Variants in EPB41L2 observed in about 807,000 individuals in gnomAD.
EPB41L2 encodes band 4.1-like protein 2.
In EPB41L2, 43 loss-of-function variants were observed where a neutral mutation model predicts 113.0. That is an observed-to-expected ratio of 0.38 (90% confidence interval 0.30 to 0.49). The LOEUF is 0.49. EPB41L2 is among the 20% of genes least tolerant of loss of function. EPB41L2 has a pLI of 0.95. For missense variants in EPB41L2, 1,147 were observed against 1,223.4 expected (o/e 0.94, Z 0.93); for synonymous variants, 442 against 436.7 (o/e 1.01, Z -0.15).
At chr6:130,858,477 G>GAA (rs1266790511) in intron 18 of EPB41L2, 3 of 431,402 alleles carry the variant, frequency 7.0e-6, no homozygotes, top group Non-Finnish European at 1.3e-5. Context: ...ACACGTAGAG[G>GAA]AAACATGTTG....
Position 130,904,894 on chromosome 6 carries a change from C to T in EPB41L2, c.854-354G>A, listed in dbSNP as rs79906501. The stretch of plus-strand genomic sequence containing the variant: ...AGATTCAATTTAACCACAGGATCTC[C>T]TGTTGCCAAATATTCTCCACCCTTT... On this transcript the variant is annotated intron_variant, in intron 5 of 19. Coordinates refer to ENST00000337057, the MANE Select transcript of EPB41L2 (RefSeq NM_001431.4). 1.0e-3 allele frequency among the ~76,000 whole-genome samples: 151 copies of T among 148,766 alleles called. 2 individuals carry two copies. The East Asian group carries it at 0.028, about 28-fold the overall frequency.
rs563818816 is a variant in EPB41L2 at position 131,035,367 on chromosome 6, A to G, written c.-15+27788T>C. Among the ~76,000 whole-genome samples the G allele has an allele frequency of 2.0e-4, 31 of 152,312 alleles. 1 individual carries two copies. Among genetic ancestry groups the G allele is most frequent in the African/African-American group, 7.5e-4 (31 of 41,570 alleles). ...TCCATATCATTCCAAAGAAACTTCA[A>G]TCACCTCCACACCTTTGCCTTCTTC... On this transcript the variant is annotated intron_variant, in intron 1 of 19. Coordinates refer to ENST00000337057, the MANE Select transcript of EPB41L2 (RefSeq NM_001431.4).
chr6:130,962,988 T>C (rs928326495), intron 1 of EPB41L2, among the ~76,000 whole-genome samples: 1 of 152,134 alleles, frequency 6.6e-6, no homozygotes, highest in Non-Finnish European at 1.5e-5. Flanking sequence ...TCTCTGAACA[T>C]TGTATACATA....
rs138332627 is a variant in EPB41L2 at position 130,866,974 on chromosome 6, TTGTG to T, written c.2730+481_2730+484del. On this transcript the variant is annotated intron_variant, in intron 16 of 19. Transcript: ENST00000337057. ...CACAGGTGTGTGTGCCTGTGTGTGTTTGTGTGTGTGTGTGTGTGTATGTGTGTTA... is the reference window on the plus strand; with the variant it reads ...CACAGGTGTGTGTGCCTGTGTGTGTTTGTGTGTGTGTGTGTATGTGTGTTA... Among the ~76,000 whole-genome samples, 53 of 150,064 alleles carry T rather than the reference TTGTG, an allele frequency of 3.5e-4. No individual in the cohort carries two copies. The East Asian group carries it at 8.5e-3, about 24-fold the overall frequency.
intron 12 of EPB41L2, among the ~76,000 whole-genome samples, chr6:130,884,312 G>A (rs1017582190): frequency 1.2e-4 from 19 of 152,140 alleles, no homozygotes; most frequent in African/African-American, 4.6e-4. Context: ...TCCAGCCTGG[G>A]CAACAAGAGC....
intron 1 of EPB41L2, among the ~76,000 whole-genome samples, chr6:130,977,005 G>A (rs1197333880): frequency 6.6e-6 from 1 of 152,156 alleles, no homozygotes; most frequent in African/African-American, 2.4e-5. Flanking sequence ...AGGGCACAAA[G>A]GAAATGGTCA....
At chr6:130,880,591 T>G in intron 12 of EPB41L2, 1 of 534,262 alleles carries the variant, frequency 1.9e-6, no homozygotes, top group Non-Finnish European at 3.3e-6. Flanking sequence ...GGTGAACCAG[T>G]GTTACCAACC....
At chr6:130,867,433 A>T (rs1784142804) in intron 16 of EPB41L2, 26 bp downstream of exon 16, 1 of 1,610,238 alleles carries the variant, frequency 6.2e-7, no homozygotes, top group Admixed American at 1.7e-5. Flanking sequence ...AAGAGCTCGA[A>T]CAGTCCAAGT....
chr6:131,030,925 A>G (rs1265538285), intron 1 of EPB41L2, among the ~76,000 whole-genome samples: 1 of 151,904 alleles, frequency 6.6e-6, no homozygotes, highest in Non-Finnish European at 1.5e-5. Flanking sequence ...GAAAAAAAAA[A>G]AAAAGGTACA....
intron 1 of EPB41L2, among the ~76,000 whole-genome samples, chr6:130,990,624 G>GAATTATATCAC (rs1012802487): frequency 5.9e-5 from 9 of 152,104 alleles, no homozygotes; most frequent in African/African-American, 1.7e-4. Flanking sequence ...GTGATATACA[G>GAATTATATCAC]AATTAACTTT....
At chr6:131,005,939 C>T (rs1785404403) in intron 1 of EPB41L2, among the ~76,000 whole-genome samples, 1 of 152,290 alleles carries the variant, frequency 6.6e-6, no homozygotes, top group South Asian at 2.1e-4. Context: ...CTCAAAAAGC[C>T]TTCTCCCTGA....
At chr6:130,877,222 A>C (rs1286483902) in intron 14 of EPB41L2, among the ~76,000 whole-genome samples, 2 of 152,216 alleles carry the variant, frequency 1.3e-5, no homozygotes, top group Non-Finnish European at 2.9e-5. Context: ...TATCTAAATC[A>C]ATGTCTACAA....
chr6:130,957,624 A>C (rs1206493019), intron 1 of EPB41L2, among the ~76,000 whole-genome samples: 1 of 128,594 alleles, frequency 7.8e-6, no homozygotes, highest in East Asian at 4.9e-4. Flanking sequence ...GTGAGACCCC[A>C]TCTCTTAAAA....
intron 10 of EPB41L2, among the ~76,000 whole-genome samples, chr6:130,891,480 G>A (rs962833921): frequency 2.7e-5 from 4 of 150,550 alleles, no homozygotes; most frequent in Admixed American, 6.6e-5. Flanking sequence ...AAGGAGTCTC[G>A]CTCTGTCACC....
chr6:130,878,792 G>T (rs1333837411), intron 13 of EPB41L2, among the ~76,000 whole-genome samples: 1 of 152,110 alleles, frequency 6.6e-6, no homozygotes, highest in Non-Finnish European at 1.5e-5. Context: ...AAGGTTTTTT[G>T]TTTGTTTGTT....
chr6:130,895,415 A>G (rs1272903007), intron 8 of EPB41L2, among the ~76,000 whole-genome samples: 1 of 152,220 alleles, frequency 6.6e-6, no homozygotes, highest in Non-Finnish European at 1.5e-5. Flanking sequence ...TGTAGGAGCT[A>G]ACAGAGAAGA....
At chr6:130,848,197 TCTCACACACA>T (rs750265662) in intron 19 of EPB41L2, among the ~76,000 whole-genome samples, 10,086 of 127,288 alleles carry the variant, frequency 0.079, 383 homozygotes, top group Admixed American at 0.14. Flanking sequence ...TCTCTCTCTC[TCTCACACACA>T]CACACACACA....
intron 8 of EPB41L2, among the ~76,000 whole-genome samples, chr6:130,895,379 G>T (rs576508479): frequency 6.6e-6 from 1 of 152,144 alleles, no homozygotes; most frequent in African/African-American, 2.4e-5. Context: ...TTCAAAAGGC[G>T]TAATGCATAT....
At chr6:130,912,029 G>A (rs950023629) in intron 4 of EPB41L2, among the ~76,000 whole-genome samples, 4 of 152,138 alleles carry the variant, frequency 2.6e-5, no homozygotes, top group African/African-American at 7.2e-5. Flanking sequence ...CACCACCCGC[G>A]TTAGATTCTC....
Sources: allele counts gnomAD v4.1 joint callset (sites outside exome capture counted in the v4.1 genomes callset), GRCh38; gene constraint gnomAD v4.1.1; transcripts MANE v1.5; gene names NCBI Gene and HGNC (gene_info 2026-07-23, HGNC 2026-07-21).